Variants in SLC24A3 observed in about 807,000 individuals in gnomAD.
SLC24A3 encodes the protein solute carrier family 24 member 3, also known as sodium/potassium/calcium exchanger 3.
Under a neutral mutation model 75.8 loss-of-function variants are expected in SLC24A3, and 28 were observed. The ratio of observed to expected loss-of-function variants is 0.37; its 90% confidence interval spans 0.27 to 0.51. The LOEUF is 0.51. Ranked by LOEUF, SLC24A3 falls within the 20% of genes least tolerant of loss-of-function variation. SLC24A3 has a pLI of 0.94. For synonymous variants in SLC24A3, 372 were observed against 334.1 expected (o/e 1.11, Z -1.24); for missense variants, 663 against 847.8 (o/e 0.78, Z 2.71).
chr20:19,474,795 C>T (rs575575037), intron 2 of SLC24A3, among the ~76,000 whole-genome samples: 73 of 152,280 alleles, frequency 4.8e-4, no homozygotes, highest in African/African-American at 1.6e-3. Context: ...CTCATTACTA[C>T]CATGCTCTAC....
rs948098693 is a variant in SLC24A3, at chr20:19,436,663, G to A, written c.272-78825G>A. ...CATGTATCTGCTTTCACAGGCAGCCGGGTCCAGGGTCACCACTACACCTGG... is the reference window on the plus strand; with the variant it reads ...CATGTATCTGCTTTCACAGGCAGCCAGGTCCAGGGTCACCACTACACCTGG... On this transcript the variant is annotated intron_variant, in intron 2 of 16. Transcript: ENST00000328041. 1.4e-4 allele frequency among the ~76,000 whole-genome samples: 21 copies of A among 152,086 alleles called. 1 individual carries two copies. Among genetic ancestry groups the A allele is most frequent in the Admixed American group, 5.2e-4 (8 of 15,270 alleles).
At chr20:19,462,254 G>C (rs1163655561) in intron 2 of SLC24A3, among the ~76,000 whole-genome samples, 1 of 151,114 alleles carries the variant, frequency 6.6e-6, no homozygotes, top group Admixed American at 6.6e-5. Flanking sequence ...GGTGTGGGGA[G>C]GCAGATGGCG....
chr20:19,600,911 TC>T (rs2031519230), intron 6 of SLC24A3, among the ~76,000 whole-genome samples: 1 of 152,148 alleles, frequency 6.6e-6, no homozygotes, highest in Non-Finnish European at 1.5e-5. Context: ...TCCCCCCACT[TC>T]TGCCTCCCAA....
chr20:19,454,534 T>G (rs1213052738), intron 2 of SLC24A3, among the ~76,000 whole-genome samples: 1 of 152,176 alleles, frequency 6.6e-6, no homozygotes, highest in Non-Finnish European at 1.5e-5. Flanking sequence ...TGGCCCAGGC[T>G]TGGGGGGACT....
chr20:19,538,962 A>G (rs1443779834), intron 3 of SLC24A3, among the ~76,000 whole-genome samples: 1 of 152,188 alleles, frequency 6.6e-6, no homozygotes, highest in Non-Finnish European at 1.5e-5. Flanking sequence ...ATACAACAAC[A>G]CGGTTGAATC....
At chr20:19,445,995 A>G (rs1987376188) in intron 2 of SLC24A3, among the ~76,000 whole-genome samples, 2 of 152,214 alleles carry the variant, frequency 1.3e-5, no homozygotes, top group African/African-American at 4.8e-5. Context: ...GTAACCCTTT[A>G]GGAAACTGTT....
intron 2 of SLC24A3, among the ~76,000 whole-genome samples, chr20:19,414,586 T>C (rs1600471562): frequency 6.6e-6 from 1 of 152,172 alleles, no homozygotes; most frequent in African/African-American, 2.4e-5. Flanking sequence ...TTCAAAACCG[T>C]AAAGAGACTG....
intron 2 of SLC24A3, among the ~76,000 whole-genome samples, chr20:19,367,670 G>A (rs1985917748): frequency 6.6e-6 from 1 of 152,124 alleles, no homozygotes; most frequent in African/African-American, 2.4e-5. Context: ...TACTTGGGAA[G>A]GTAGAATAAG....
At chr20:19,536,877 A>T (rs1291103836) in intron 3 of SLC24A3, among the ~76,000 whole-genome samples, 1 of 152,224 alleles carries the variant, frequency 6.6e-6, no homozygotes, top group East Asian at 1.9e-4. Flanking sequence ...AAATTAATTC[A>T]AGATGGATTA....
intron 15 of SLC24A3, among the ~76,000 whole-genome samples, chr20:19,703,390 G>A (rs2032895373): frequency 6.6e-6 from 1 of 152,146 alleles, no homozygotes; most frequent in Non-Finnish European, 1.5e-5. Context: ...TCCACTTAAT[G>A]TCTGCCACTC....
chr20:19,708,430 C>A (rs149304192), intron 15 of SLC24A3, among the ~76,000 whole-genome samples: 1 of 152,156 alleles, frequency 6.6e-6, no homozygotes, highest in Non-Finnish European at 1.5e-5. Flanking sequence ...GCAACCATTC[C>A]GAATTCAGGC....
intron 6 of SLC24A3, among the ~76,000 whole-genome samples, chr20:19,629,058 G>T (rs148537991): frequency 4.9e-4 from 75 of 151,890 alleles, no homozygotes; most frequent in African/African-American, 1.7e-3. Context: ...TGACCCAAAA[G>T]AAATAAAGAT....
intron 6 of SLC24A3, among the ~76,000 whole-genome samples, chr20:19,621,327 C>A (rs2031801996): frequency 6.6e-6 from 1 of 152,150 alleles, no homozygotes; most frequent in South Asian, 2.1e-4. Context: ...TTGATGGTTA[C>A]CCTGACTCAT....
intron 2 of SLC24A3, among the ~76,000 whole-genome samples, chr20:19,431,491 C>T (rs1022670695): frequency 1.6e-4 from 25 of 152,028 alleles, no homozygotes; most frequent in African/African-American, 4.1e-4. Flanking sequence ...TGGGAGCAGC[C>T]GCTCCATGGG....
At chr20:19,715,256 T>C (rs1454187265) in intron 15 of SLC24A3, among the ~76,000 whole-genome samples, 1 of 152,214 alleles carries the variant, frequency 6.6e-6, no homozygotes, top group Non-Finnish European at 1.5e-5. Flanking sequence ...CCATTTGCGA[T>C]GCAGTCTTGT....
At chr20:19,429,448 C>T (rs966821532) in intron 2 of SLC24A3, among the ~76,000 whole-genome samples, 4 of 152,182 alleles carry the variant, frequency 2.6e-5, no homozygotes, top group African/African-American at 7.2e-5. Context: ...CTATGGAAAG[C>T]GTGTGAGTAA....
chr20:19,534,433 C>A (rs980997433), intron 3 of SLC24A3, among the ~76,000 whole-genome samples: 1 of 6,172 alleles, frequency 1.6e-4, no homozygotes, highest in African/African-American at 4.2e-4. Flanking sequence ...TGTTTTGTGA[C>A]GGAGTCTCGC....
intron 2 of SLC24A3, among the ~76,000 whole-genome samples, chr20:19,309,268 C>G (rs1043544167): frequency 6.6e-6 from 1 of 152,210 alleles, no homozygotes; most frequent in Non-Finnish European, 1.5e-5. Flanking sequence ...AGAACTTGAT[C>G]AGCTTTCCTA....
chr20:19,357,775 C>G (rs1985715929), intron 2 of SLC24A3, among the ~76,000 whole-genome samples: 1 of 152,212 alleles, frequency 6.6e-6, no homozygotes, highest in African/African-American at 2.4e-5. Context: ...GTGAGAGACC[C>G]CAGCTGGGAA....
Sources: gnomAD v4.1 joint callset for allele counts (sites outside exome capture counted in the v4.1 genomes callset) on GRCh38, gnomAD v4.1.1 for gene constraint, MANE v1.5 for transcripts, NCBI Gene and HGNC (gene_info 2026-07-23, HGNC 2026-07-21) for gene names.